The following MYO3B variants were observed in gnomAD, a reference collection of about 807,000 sequenced individuals.
The protein encoded by MYO3B is myosin-IIIb.
A neutral mutation model predicts 174.6 loss-of-function variants in MYO3B; 156 were observed. The ratio of observed to expected loss-of-function variants is 0.89; its 90% CI spans 0.78 to 1.02. The LOEUF is 1.02. Among genes scored for constraint, MYO3B ranks in the 50% least tolerant of loss-of-function variants. The pLI is 0.00. For synonymous variants in MYO3B, 563 were observed against 569.1 expected (o/e 0.99, Z 0.15); for missense variants, 1,632 against 1,639.4 (o/e 1.00, Z 0.08).
intron 32 of MYO3B, among the ~76,000 whole-genome samples, chr2:170,611,212 A>G (rs2106362010): frequency 6.6e-6 from 1 of 152,270 alleles, no homozygotes; most frequent in African/African-American, 2.4e-5. Context: ...TATGAAGCGG[A>G]GATTTGGCAG....
chr2:170,649,283 T>TATATA lies in MYO3B; in HGVS notation c.3734-2344_3734-2340dup, dbSNP rs1196650010. Among the ~76,000 whole-genome samples, 413 of 45,892 alleles carry TATATA rather than the reference T, an allele frequency of 9.0e-3. 69 individuals are homozygous for TATATA. The highest frequency in any genetic ancestry group is 9.5e-3 in the Non-Finnish European group (281 of 29,708). 30.1% of individuals were successfully genotyped at this position (45,892 alleles called of 152,430 possible). A position where few individuals can be genotyped will look rare whatever the true frequency, so the allele number is the denominator to read the frequency against. The stretch of plus-strand genomic sequence containing the variant: ...ATATAATATATTATATATAAAATAA[T>TATATA]ATATATTATATATAAAATAATATAT... On this transcript the variant is annotated intron_variant, in intron 32 of 34. Coordinates refer to ENST00000408978, the MANE Select transcript of MYO3B (RefSeq NM_138995.5).
At chr2:170,195,492 A>T (rs917962548) in intron 1 of MYO3B, among the ~76,000 whole-genome samples, 5 of 151,876 alleles carry the variant, frequency 3.3e-5, no homozygotes, top group African/African-American at 7.3e-5. Flanking sequence ...CATCCATCCC[A>T]CTGAGAGCCA....
intron 8 of MYO3B, among the ~76,000 whole-genome samples, chr2:170,363,379 A>C (rs561431296): frequency 6.6e-6 from 1 of 151,966 alleles, no homozygotes; most frequent in Admixed American, 6.6e-5. Flanking sequence ...AACAACAGTC[A>C]GAGGCTCTTG....
intron 7 of MYO3B, among the ~76,000 whole-genome samples, chr2:170,302,709 T>C (rs1559371703): frequency 2.6e-5 from 4 of 152,224 alleles, no homozygotes. Flanking sequence ...AAATATTTCT[T>C]CTTCTTGCAC....
chr2:170,561,257 T>G (rs528067470), intron 32 of MYO3B, among the ~76,000 whole-genome samples: 42 of 152,340 alleles, frequency 2.8e-4, no homozygotes, highest in Non-Finnish European at 5.4e-4. Flanking sequence ...TCTACCACCC[T>G]GAGCAAATTA....
intron 7 of MYO3B, among the ~76,000 whole-genome samples, chr2:170,284,598 A>G (rs2093540305): frequency 1.3e-5 from 2 of 152,270 alleles, no homozygotes; most frequent in South Asian, 4.1e-4. Flanking sequence ...ATATAAAAGA[A>G]TGTATTTCCT....
intron 32 of MYO3B, among the ~76,000 whole-genome samples, chr2:170,589,653 C>T (rs1014915259): frequency 1.3e-5 from 2 of 152,000 alleles, no homozygotes; most frequent in African/African-American, 4.8e-5. Flanking sequence ...ATGTTTTGAG[C>T]TAAGTGTTAT....
chr2:170,386,083 A>C (rs2094372063), intron 12 of MYO3B, 106 bp from the exon 13 acceptor site: 2 of 818,710 alleles, frequency 2.4e-6, no homozygotes, highest in Non-Finnish European at 4.0e-6. Flanking sequence ...CCTAAGATCT[A>C]TCTCTCAGTG....
chr2:170,480,294 A>G (rs79215082), intron 25 of MYO3B, among the ~76,000 whole-genome samples: 7,997 of 152,142 alleles, frequency 0.053, 303 homozygotes, highest in South Asian at 0.19. Flanking sequence ...GTCCCATCAT[A>G]TATCACAGGG....
intron 32 of MYO3B, among the ~76,000 whole-genome samples, chr2:170,642,377 G>T (rs1215583966): frequency 6.6e-6 from 1 of 152,142 alleles, no homozygotes; most frequent in Non-Finnish European, 1.5e-5. Context: ...TGTTTTCTTT[G>T]TAGCAGTTTT....
At chr2:170,312,519 C>G (rs1420704722) in intron 7 of MYO3B, among the ~76,000 whole-genome samples, 1 of 152,228 alleles carries the variant, frequency 6.6e-6, no homozygotes, top group Non-Finnish European at 1.5e-5. Flanking sequence ...GTTCTGACCC[C>G]ATTGACAAAG....
chr2:170,618,150 G>C (rs988841972), intron 32 of MYO3B, among the ~76,000 whole-genome samples: 2 of 152,126 alleles, frequency 1.3e-5, no homozygotes, highest in Non-Finnish European at 2.9e-5. Flanking sequence ...ATATTGAAAG[G>C]GGTTCCTTCT....
chr2:170,235,304 C>A (rs1369288125), intron 6 of MYO3B, among the ~76,000 whole-genome samples: 1 of 152,170 alleles, frequency 6.6e-6, no homozygotes, highest in African/African-American at 2.4e-5. Flanking sequence ...TTGCCTGACT[C>A]AAAAAGTTGA....
At chr2:170,532,120 A>G (rs151086139) in intron 30 of MYO3B, among the ~76,000 whole-genome samples, 1 of 150,176 alleles carries the variant, frequency 6.7e-6, no homozygotes, top group Admixed American at 6.6e-5. Flanking sequence ...GCCTCCTGTT[A>G]TGATGTATTG....
At chr2:170,496,038 C>T (rs890708691) in intron 25 of MYO3B, among the ~76,000 whole-genome samples, 3 of 152,146 alleles carry the variant, frequency 2.0e-5, no homozygotes, top group African/African-American at 7.2e-5. Context: ...CCACTTAGCT[C>T]CGGAAGATAT....
chr2:170,200,931 C>T (rs530243677), intron 3 of MYO3B, among the ~76,000 whole-genome samples: 4 of 152,124 alleles, frequency 2.6e-5, no homozygotes, highest in African/African-American at 4.8e-5. Context: ...GCCATCCCTG[C>T]GAAGGAGCGT....
intron 32 of MYO3B, among the ~76,000 whole-genome samples, chr2:170,560,126 GT>G (rs1691608641): frequency 6.6e-6 from 1 of 152,156 alleles, no homozygotes; most frequent in Non-Finnish European, 1.5e-5. Context: ...TAATTTCCAA[GT>G]TTAGCAACTC....
intron 25 of MYO3B, among the ~76,000 whole-genome samples, chr2:170,483,473 G>A (rs1031665322): frequency 1.6e-5 from 2 of 121,950 alleles, no homozygotes; most frequent in Admixed American, 9.7e-5. Context: ...TGCAAGCTCC[G>A]CCTCCCGGGT....
At chr2:170,314,562 G>C (rs1332270348) in intron 7 of MYO3B, among the ~76,000 whole-genome samples, 1 of 152,100 alleles carries the variant, frequency 6.6e-6, no homozygotes, top group Non-Finnish European at 1.5e-5. Context: ...ACTAAGAAAG[G>C]GGTAGTATAT....
Sources: allele counts gnomAD v4.1 joint callset (sites outside exome capture counted in the v4.1 genomes callset), GRCh38; gene constraint gnomAD v4.1.1; transcripts MANE v1.5; gene names NCBI Gene and HGNC (gene_info 2026-07-23, HGNC 2026-07-21).